The following TCF4 variants were observed in gnomAD, a reference collection of about 807,000 sequenced individuals.
The protein encoded by TCF4 is SL3-3 enhancer factor 2.
A neutral mutation model predicts 82.1 loss-of-function variants in TCF4; 3 were observed. The observed-to-expected ratio is 0.04, with a 90% CI of 0.02 to 0.09. The LOEUF is 0.09. Among genes scored for constraint, TCF4 ranks in the 10% least tolerant of loss-of-function variants. The pLI is 1.00. For missense variants in TCF4, 518 were observed against 852.7 expected, an observed-to-expected ratio of 0.61 and a Z score of 4.89; for synonymous variants, 276 against 309.6, an observed-to-expected ratio of 0.89 and a Z score of 1.14.
chr18:55,436,642 C>G (rs2095335537), intron 5 of TCF4, among the ~76,000 whole-genome samples: 1 of 152,058 alleles, frequency 6.6e-6, no homozygotes, highest in African/African-American at 2.4e-5. Flanking sequence ...AAATGTTAGC[C>G]GGGGACCTCA....
intron 3 of TCF4, among the ~76,000 whole-genome samples, chr18:55,546,591 T>A (rs2097209407): frequency 6.6e-6 from 1 of 152,078 alleles, no homozygotes; most frequent in Non-Finnish European, 1.5e-5. Context: ...TGTTTTTCAA[T>A]AACAAAAGAG....
chr18:55,632,473 G>A (rs1164798218), intron 1 of TCF4, among the ~76,000 whole-genome samples: 1 of 152,178 alleles, frequency 6.6e-6, no homozygotes, highest in African/African-American at 2.4e-5. Context: ...GAGAGTTGAA[G>A]AGCTATATGT....
chr18:55,583,872 G>C (rs971094147), intron 3 of TCF4, among the ~76,000 whole-genome samples: 1 of 151,986 alleles, frequency 6.6e-6, no homozygotes, highest in African/African-American at 2.4e-5. Flanking sequence ...CTTAAAAGTT[G>C]CATAGAGGAT....
Position 55,223,419 on chromosome 18 carries a change from T to C in TCF4, c.*4616A>G, listed in dbSNP as rs1310085534. ...AAGAGAATCATAGCTATATGGACAA[T>C]GCAAAATGAAATGAAACAAGTGTCA... is the stretch of plus-strand genomic sequence containing the variant. On this transcript the variant is annotated 3_prime_UTR_variant, in exon 20 of 20. Transcript: ENST00000354452. 6.6e-6 allele frequency: 1 copy of C among 152,592 alleles called. No homozygotes were observed. Among genetic ancestry groups the C allele is most frequent in the African/African-American group, 2.4e-5 (1 of 41,440 alleles). 9.5% of individuals were successfully genotyped at this position (152,592 alleles called of 1,614,324 possible).
At chr18:55,564,361 T>C (rs758069696) in intron 3 of TCF4, among the ~76,000 whole-genome samples, 18 of 152,228 alleles carry the variant, frequency 1.2e-4, no homozygotes, top group Non-Finnish European at 2.5e-4. Context: ...TGTTTGACTT[T>C]CTTATTTAAA....
chr18:55,424,841 C>T (rs2094915372), intron 5 of TCF4, among the ~76,000 whole-genome samples: 1 of 152,008 alleles, frequency 6.6e-6, no homozygotes, highest in African/African-American at 2.4e-5. Context: ...GGATACTTTC[C>T]CCAGCTTTAG....
At chr18:55,247,337 A>G (rs979023483) in intron 15 of TCF4, among the ~76,000 whole-genome samples, 9 of 152,214 alleles carry the variant, frequency 5.9e-5, no homozygotes, top group Non-Finnish European at 1.2e-4. Flanking sequence ...CTTCAGGGAA[A>G]CCATTAAACA....
At chr18:55,279,141 C>T (rs72925070) in intron 9 of TCF4, among the ~76,000 whole-genome samples, 3 of 152,252 alleles carry the variant, frequency 2.0e-5, no homozygotes, top group Non-Finnish European at 4.4e-5. Context: ...GAAAATTTTA[C>T]ATAAGGTTAT....
chr18:55,504,855 C>T (rs757350910), intron 3 of TCF4, among the ~76,000 whole-genome samples: 2 of 151,974 alleles, frequency 1.3e-5, no homozygotes, highest in African/African-American at 2.4e-5. Flanking sequence ...GCAGAAAAAC[C>T]GTAATTCAAA....
chr18:55,549,930 A>G (rs902509159), intron 3 of TCF4, among the ~76,000 whole-genome samples: 3 of 152,206 alleles, frequency 2.0e-5, no homozygotes, highest in Non-Finnish European at 4.4e-5. Context: ...CAAGAACTAT[A>G]TACAGATAAT....
intron 6 of TCF4, among the ~76,000 whole-genome samples, chr18:55,352,293 A>T (rs2082471883): frequency 6.6e-6 from 1 of 152,080 alleles, no homozygotes; most frequent in Non-Finnish European, 1.5e-5. Flanking sequence ...GTCAAATATG[A>T]CCCATAAGCT....
intron 14 of TCF4, among the ~76,000 whole-genome samples, chr18:55,256,578 T>C (rs536414555): frequency 3.3e-5 from 5 of 152,272 alleles, no homozygotes; most frequent in African/African-American, 1.2e-4. Context: ...AGCAGATAGA[T>C]AAATCTATGT....
intron 15 of TCF4, among the ~76,000 whole-genome samples, chr18:55,248,363 CTATTT>C (rs1732076371): frequency 6.6e-6 from 1 of 152,190 alleles, no homozygotes; most frequent in South Asian, 2.1e-4. Flanking sequence ...AAATAGTTTT[CTATTT>C]TATCAACTTT....
At position 55,361,644 on chromosome 18, in the gene TCF4, T is replaced by C. The variant is rs114095151; in HGVS notation, c.370-10641A>G. On this transcript the variant is annotated intron_variant, in intron 6 of 19. Transcript: ENST00000354452. The stretch of plus-strand genomic sequence containing the variant: ...GCTATGCTGGGGAGGTCCACTCCTC[T>C]ACCCCGGGCTTCAGGCCACTCCCTA... 1.3e-3 allele frequency among the ~76,000 whole-genome samples: 196 copies of C among 152,302 alleles called. 1 individual carries two copies. Among genetic ancestry groups the C allele is most frequent in the African/African-American group, 4.3e-3 (178 of 41,556 alleles).
At chr18:55,363,845 T>C (rs2086148504) in intron 6 of TCF4, among the ~76,000 whole-genome samples, 1 of 151,976 alleles carries the variant, frequency 6.6e-6, no homozygotes, top group Non-Finnish European at 1.5e-5. Flanking sequence ...ATGAAAACAT[T>C]ATCCAAACCA....
At chr18:55,561,101 C>T (rs1035985953) in intron 3 of TCF4, among the ~76,000 whole-genome samples, 3 of 152,196 alleles carry the variant, frequency 2.0e-5, no homozygotes, top group African/African-American at 7.2e-5. Flanking sequence ...CACAATTGCA[C>T]AGACATTTCC....
intron 5 of TCF4, among the ~76,000 whole-genome samples, chr18:55,406,970 A>G (rs1045613104): frequency 6.6e-6 from 1 of 152,208 alleles, no homozygotes; most frequent in Non-Finnish European, 1.5e-5. Context: ...GCATAAGGGT[A>G]GCATTAATCG....
intron 6 of TCF4, among the ~76,000 whole-genome samples, chr18:55,384,857 A>G (rs1249982075): frequency 6.6e-6 from 1 of 152,294 alleles, no homozygotes; most frequent in East Asian, 1.9e-4. Flanking sequence ...GTAGAGCTAA[A>G]GGAGAAACCT....
intron 3 of TCF4, among the ~76,000 whole-genome samples, chr18:55,542,337 C>G (rs2097171492): frequency 6.6e-6 from 1 of 151,950 alleles, no homozygotes; most frequent in South Asian, 2.1e-4. Context: ...CATTTAAACA[C>G]AGATCTTCAT....
Sources: allele counts gnomAD v4.1 joint callset (sites outside exome capture counted in the v4.1 genomes callset), GRCh38; gene constraint gnomAD v4.1.1; transcripts MANE v1.5; gene names NCBI Gene and HGNC (gene_info 2026-07-23, HGNC 2026-07-21).